The following CACNA2D3 variants were observed in gnomAD, a reference collection of about 807,000 sequenced individuals.
CACNA2D3 encodes calcium voltage-gated channel auxiliary subunit alpha2delta 3, also known as voltage-dependent calcium channel subunit alpha-2/delta-3.
In CACNA2D3, 60 loss-of-function variants were observed where a neutral mutation model predicts 160.6. The ratio of observed to expected loss-of-function variants is 0.37; its 90% CI spans 0.30 to 0.46. CACNA2D3 has a LOEUF of 0.46. Ranked by LOEUF, CACNA2D3 falls within the 20% of genes least tolerant of loss-of-function variation. The pLI, the probability that CACNA2D3 is intolerant of heterozygous loss-of-function variation, is 1.00. For synonymous variants in CACNA2D3, 558 were observed against 492.9 expected, an observed-to-expected ratio of 1.13 and a Z score of -1.75; for missense variants, 1,205 against 1,365.0, an observed-to-expected ratio of 0.88 and a Z score of 1.85.
At chr3:54,145,982 C>T (rs1157364260) in intron 2 of CACNA2D3, among the ~76,000 whole-genome samples, 1 of 152,144 alleles carries the variant, frequency 6.6e-6, no homozygotes, top group East Asian at 1.9e-4. Context: ...TGGGCCTAAT[C>T]TCACTGTTTT....
At chr3:54,700,501 G>A (rs1243095672) in intron 11 of CACNA2D3, among the ~76,000 whole-genome samples, 1 of 152,172 alleles carries the variant, frequency 6.6e-6, no homozygotes, top group Non-Finnish European at 1.5e-5. Context: ...AACCATGTCA[G>A]CACAAATATA....
intron 11 of CACNA2D3, among the ~76,000 whole-genome samples, chr3:54,643,919 A>G (rs572168610): frequency 1.3e-5 from 2 of 152,322 alleles, no homozygotes; most frequent in East Asian, 3.9e-4. Context: ...AATGATGGTG[A>G]AGGATATTTT....
chr3:54,340,018 G>A (rs1464695351), intron 3 of CACNA2D3, among the ~76,000 whole-genome samples: 1 of 152,108 alleles, frequency 6.6e-6, no homozygotes, highest in Non-Finnish European at 1.5e-5. Context: ...AGTCCATAGT[G>A]GTTATCTCAC....
At chr3:54,305,092 G>A (rs779780013) in intron 2 of CACNA2D3, among the ~76,000 whole-genome samples, 11 of 152,276 alleles carry the variant, frequency 7.2e-5, no homozygotes, top group East Asian at 1.9e-4. Flanking sequence ...AGGCTTGTTT[G>A]ATGGGTTGTT....
At chr3:54,785,518 A>G (rs1183517409) in intron 13 of CACNA2D3, among the ~76,000 whole-genome samples, 1 of 152,164 alleles carries the variant, frequency 6.6e-6, no homozygotes, top group Non-Finnish European at 1.5e-5. Context: ...CAGATCTCTT[A>G]TGTTTAGTCT....
At chr3:55,057,755 A>G (rs1310547416) in intron 35 of CACNA2D3, among the ~76,000 whole-genome samples, 1 of 151,874 alleles carries the variant, frequency 6.6e-6, no homozygotes, top group East Asian at 1.9e-4. Flanking sequence ...GTTATCTCCC[A>G]CCTCCATTTT....
chr3:54,208,194 C>G (rs1312648676), intron 2 of CACNA2D3, among the ~76,000 whole-genome samples: 1 of 152,136 alleles, frequency 6.6e-6, no homozygotes, highest in Non-Finnish European at 1.5e-5. Context: ...CAACCTCTGC[C>G]TCCTGGGTTC....
chr3:54,309,780 C>T (rs903043872), intron 2 of CACNA2D3, among the ~76,000 whole-genome samples: 6 of 151,796 alleles, frequency 4.0e-5, no homozygotes, highest in Non-Finnish European at 8.8e-5. Flanking sequence ...CTGTTGCTTT[C>T]GATATTGGTT....
chr3:54,347,399 T>A (rs2107530133), intron 3 of CACNA2D3, among the ~76,000 whole-genome samples: 1 of 152,290 alleles, frequency 6.6e-6, no homozygotes, highest in East Asian at 1.9e-4. Flanking sequence ...TAATATGAAA[T>A]CCCTTTCATT....
chr3:54,469,369 A>G (rs942879482), intron 4 of CACNA2D3, among the ~76,000 whole-genome samples: 8 of 151,986 alleles, frequency 5.3e-5, no homozygotes, highest in East Asian at 1.9e-4. Flanking sequence ...ACAGAAAGGA[A>G]TAGCATCAAT....
chr3:54,329,026 C>G (rs1264469656), intron 3 of CACNA2D3, among the ~76,000 whole-genome samples: 1 of 152,180 alleles, frequency 6.6e-6, no homozygotes, highest in Non-Finnish European at 1.5e-5. Context: ...CAGCCCCTCT[C>G]ACCGGGAAGG....
At chr3:54,349,054 T>C (rs945331781) in intron 3 of CACNA2D3, among the ~76,000 whole-genome samples, 20 of 152,316 alleles carry the variant, frequency 1.3e-4, no homozygotes, top group East Asian at 5.8e-4. Context: ...ATTAGCATCC[T>C]GCAGTAGGAA....
chr3:54,729,790 G>A (rs1180582841), intron 11 of CACNA2D3, among the ~76,000 whole-genome samples: 1 of 152,030 alleles, frequency 6.6e-6, no homozygotes, highest in African/African-American at 2.4e-5. Flanking sequence ...ACGAGGTCAG[G>A]AGATTGAGAC....
chr3:54,202,497 A>T (rs547685386), intron 2 of CACNA2D3, among the ~76,000 whole-genome samples: 1 of 152,342 alleles, frequency 6.6e-6, no homozygotes, highest in East Asian at 1.9e-4. Flanking sequence ...CTGTGAGTTG[A>T]TATACCCATT....
intron 2 of CACNA2D3, among the ~76,000 whole-genome samples, chr3:54,141,099 G>GCGCGCGCGCACGTGCGCA (rs1553731398): frequency 8.3e-6 from 1 of 121,126 alleles, no homozygotes; most frequent in African/African-American, 3.5e-5. Flanking sequence ...GCGCGCGCGC[G>GCGCGCGCGCACGTGCGCA]TGTGTGCATG....
chr3:54,526,203 A>G (rs1371872306), intron 5 of CACNA2D3, among the ~76,000 whole-genome samples: 1 of 151,878 alleles, frequency 6.6e-6, no homozygotes, highest in Non-Finnish European at 1.5e-5. Flanking sequence ...TTAATTCTCT[A>G]TTTGATGTGA....
chr3:54,618,307 C>A (rs1197952740), intron 9 of CACNA2D3, among the ~76,000 whole-genome samples: 1 of 146,568 alleles, frequency 6.8e-6, no homozygotes, highest in African/African-American at 2.5e-5. Context: ...TTTAAACTTT[C>A]ACTAGTAGGG....
chr3:54,703,086 G>A (rs1272553423), intron 11 of CACNA2D3, among the ~76,000 whole-genome samples: 1 of 152,146 alleles, frequency 6.6e-6, no homozygotes, highest in Non-Finnish European at 1.5e-5. Context: ...TGAGGGTGGA[G>A]GGTGGGAGGA....
intron 10 of CACNA2D3, chr3:54,639,104 G>A (rs1699446933): frequency 6.6e-6 from 1 of 151,684 alleles, no homozygotes; most frequent in African/African-American, 2.4e-5. Flanking sequence ...TGGAAATAAG[G>A]GATTGGGGCA....
Sources: gnomAD v4.1 joint callset for allele counts (sites outside exome capture counted in the v4.1 genomes callset) on GRCh38, gnomAD v4.1.1 for gene constraint, MANE v1.5 for transcripts, NCBI Gene and HGNC (gene_info 2026-07-23, HGNC 2026-07-21) for gene names.